The following WDFY3 variants were observed in gnomAD, a reference collection of about 807,000 sequenced individuals.
WDFY3 encodes WD repeat and FYVE domain containing 3.
In WDFY3, 66 loss-of-function variants were observed where a neutral mutation model predicts 409.6. The observed-to-expected ratio is 0.16, with a 90% CI of 0.13 to 0.20. The LOEUF is 0.20. Ranked by LOEUF, WDFY3 falls within the 10% of genes least tolerant of loss-of-function variation. The probability of loss-of-function intolerance (pLI) is 1.00; values close to 1 mark genes in which losing one functional copy is unlikely to be tolerated. For synonymous variants in WDFY3, 1,521 were observed against 1,537.1 expected, an observed-to-expected ratio of 0.99 and a Z score of 0.25; for missense variants, 3,031 against 4,298.1, an observed-to-expected ratio of 0.71 and a Z score of 8.24.
intron 1 of WDFY3, among the ~76,000 whole-genome samples, chr4:84,938,622 T>G (rs565328226): frequency 6.6e-6 from 1 of 152,322 alleles, no homozygotes; most frequent in South Asian, 2.1e-4. Flanking sequence ...GAGGAAAGTC[T>G]AAAAATAAAG....
intron 3 of WDFY3, among the ~76,000 whole-genome samples, chr4:84,890,046 T>C (rs747918052): frequency 1.3e-5 from 2 of 152,268 alleles, no homozygotes; most frequent in East Asian, 1.9e-4. Context: ...CAGACTCCTA[T>C]GCAAATAGGT....
intron 1 of WDFY3, among the ~76,000 whole-genome samples, chr4:84,948,568 G>A (rs1041832644): frequency 2.0e-5 from 3 of 152,012 alleles, no homozygotes; most frequent in Admixed American, 6.6e-5. Context: ...TTGCAGTTTC[G>A]CCCCAATCTT....
At position 84,772,832 on chromosome 4, in the gene WDFY3, T is replaced by C. The variant is rs1314203030; in HGVS notation, c.4849+3A>G. The C allele has an allele frequency of 7.5e-6, 12 of 1,608,358 alleles. No individual in the cohort carries two copies. Among genetic ancestry groups the C allele is most frequent in the Non-Finnish European group, 1.0e-5 (12 of 1,177,592 alleles). On this transcript the variant is annotated splice_donor_region_variant and intron_variant, in intron 30 of 67. Coordinates refer to ENST00000295888, the MANE Select transcript of WDFY3 (RefSeq NM_014991.6). ...TCTTCTCCAAGCTCCAGAATCAACTTACCAGTGTCAAGCTTCTCTTCATTA... is the reference window on the plus strand; with the variant it reads ...TCTTCTCCAAGCTCCAGAATCAACTCACCAGTGTCAAGCTTCTCTTCATTA...
chr4:84,936,494 C>G (rs1382307474), intron 1 of WDFY3, among the ~76,000 whole-genome samples: 1 of 152,016 alleles, frequency 6.6e-6, no homozygotes, highest in Non-Finnish European at 1.5e-5. Context: ...GCCCTTCAGC[C>G]TGGGTGACAT....
intron 56 of WDFY3, among the ~76,000 whole-genome samples, chr4:84,700,344 C>T (rs7659019): frequency 0.066 from 10,118 of 152,172 alleles, 1,166 homozygotes; most frequent in African/African-American, 0.23. Flanking sequence ...GCTGGGACTA[C>T]AGGTGCACAT....
At chr4:84,798,717 C>G (rs900710135) in intron 17 of WDFY3, among the ~76,000 whole-genome samples, 4 of 152,128 alleles carry the variant, frequency 2.6e-5, no homozygotes, top group African/African-American at 7.2e-5. Flanking sequence ...CTCATTCTTG[C>G]TGCTATCACC....
chr4:84,731,283 C>T (rs964554024), intron 44 of WDFY3, among the ~76,000 whole-genome samples: 1 of 152,174 alleles, frequency 6.6e-6, no homozygotes, highest in African/African-American at 2.4e-5. Flanking sequence ...GATACTACCA[C>T]TTTTTGAAAA....
rs200855860 is a variant in WDFY3, at chr4:84,820,177, C to A, written c.1601G>T (p.Arg534Ile). 93 of 1,606,160 alleles carry A rather than the reference C, an allele frequency of 5.8e-5. 1 individual carries two copies. The highest frequency in any genetic ancestry group is 1.7e-6 in the Non-Finnish European group (2 of 1,176,394). Residue 534 changes from arginine to isoleucine, a missense_variant, in exon 12 of 68, where the codon AGA becomes ATA. Physicochemically the swap from Arg to Ile is moderately conservative, Grantham distance 97. This residue lies in a region of WDFY3 where 1,322 missense variants were observed against 1,697.9 expected (regional missense o/e 0.78). Coordinates refer to ENST00000295888, the MANE Select transcript of WDFY3 (RefSeq NM_014991.6). Reference sequence around the variant, plus strand: ...TTGGTCTTCAACTGAACTATTATTTCTTGAGTCCCCTAAAAAAAGGTTCAA... The same window carrying A: ...TTGGTCTTCAACTGAACTATTATTTATTGAGTCCCCTAAAAAAAGGTTCAA... The part of the protein sequence containing the change: ...TQALNEQGDS[R>I]NNSSVEDQKH...
At chr4:84,875,673 A>G (rs1314124574) in intron 3 of WDFY3, among the ~76,000 whole-genome samples, 1 of 152,172 alleles carries the variant, frequency 6.6e-6, no homozygotes, top group Non-Finnish European at 1.5e-5. Flanking sequence ...TTTTTTCTTT[A>G]TATCATTATT....
intron 3 of WDFY3, among the ~76,000 whole-genome samples, chr4:84,879,209 A>G (rs1430731221): frequency 6.6e-6 from 1 of 152,122 alleles, no homozygotes; most frequent in Non-Finnish European, 1.5e-5. Flanking sequence ...TGTTCCCTGG[A>G]CACACCATGC....
intron 36 of WDFY3, among the ~76,000 whole-genome samples, chr4:84,750,802 A>C (rs1046345506): frequency 2.4e-4 from 37 of 152,246 alleles, no homozygotes; most frequent in African/African-American, 8.9e-4. Flanking sequence ...CTGATGCATC[A>C]GTTGATTCAT....
chr4:84,794,594 A>C lies in WDFY3; in HGVS notation c.3412T>G (p.Cys1138Gly). The change falls in exon 21 of 68, where the codon TGC becomes GGC. Residue 1138 changes from cysteine (C) to glycine (G), a missense_variant. By Grantham distance (159) the Cys-to-Gly change is radical. This residue lies in a region of WDFY3 where 1,322 missense variants were observed against 1,697.9 expected (regional missense o/e 0.78). Transcript: ENST00000295888. ...RANSSEQHYVCLAIVLSAKDR... is the reference protein window; with the variant it reads ...RANSSEQHYVGLAIVLSAKDR... ...TTTGCTGATAGAACTATTGCAAGGC[A>C]CACGTAATGTTGCTCAGAAGAATTT... The C allele has an allele frequency of 6.2e-7, 1 of 1,614,152 alleles. No individual in the cohort carries two copies. The highest frequency in any genetic ancestry group is 8.5e-7 in the Non-Finnish European group (1 of 1,180,030).
chr4:84,757,409 C>A (rs1741653356), intron 32 of WDFY3, among the ~76,000 whole-genome samples: 1 of 152,102 alleles, frequency 6.6e-6, no homozygotes, highest in African/African-American at 2.4e-5. Flanking sequence ...CAATAAGATA[C>A]AAGGGAGTTT....
At chr4:84,737,448 T>A (rs1239506077) in intron 40 of WDFY3, 82 bp from the exon 41 acceptor site, 2 of 1,401,056 alleles carry the variant, frequency 1.4e-6, no homozygotes, top group African/African-American at 2.9e-5. Context: ...TTTTTCTTCA[T>A]GTTTACATGT....
Position 84,849,928 on chromosome 4 carries a change from C to T in WDFY3, c.278G>A (p.Arg93Gln). Residue 93 changes from arginine to glutamine, a missense_variant, in exon 5 of 68, where the codon CGA becomes CAA. Arg to Gln is a conservative substitution (Grantham distance 43). Coordinates refer to ENST00000295888, the MANE Select transcript of WDFY3 (RefSeq NM_014991.6). The part of the protein sequence containing the change: ...QVSRLMVTEI[R>Q]RRASNKSTEA... ...TGTGGATTTGTTTGATGCTCTCCTTCGAATTTCTGTCACCATTAGTCGTGA... is the reference window on the plus strand; with the variant it reads ...TGTGGATTTGTTTGATGCTCTCCTTTGAATTTCTGTCACCATTAGTCGTGA... 2 of 1,611,322 alleles carry T rather than the reference C, an allele frequency of 1.2e-6. No homozygotes were observed. Among genetic ancestry groups the T allele is most frequent in the South Asian group, 1.1e-5 (1 of 90,142 alleles).
At chr4:84,949,535 A>G (rs899869328) in intron 1 of WDFY3, among the ~76,000 whole-genome samples, 1 of 152,228 alleles carries the variant, frequency 6.6e-6, no homozygotes, top group African/African-American at 2.4e-5. Context: ...ATATCAGAGC[A>G]ATGAAAGAGT....
At chr4:84,807,757 A>G (rs1751752526) in intron 15 of WDFY3, among the ~76,000 whole-genome samples, 1 of 152,176 alleles carries the variant, frequency 6.6e-6, no homozygotes, top group Admixed American at 6.5e-5. Flanking sequence ...AGAGATTTAC[A>G]GAGCACTGAT....
chr4:84,964,037 C>T (rs898889151), intron 1 of WDFY3, among the ~76,000 whole-genome samples: 1 of 152,186 alleles, frequency 6.6e-6, no homozygotes, highest in African/African-American at 2.4e-5. Context: ...TCTAGAAGTT[C>T]ATAATCTTTT....
At chr4:84,823,758 A>G (rs1017121827) in intron 10 of WDFY3, among the ~76,000 whole-genome samples, 4 of 152,192 alleles carry the variant, frequency 2.6e-5, no homozygotes, top group African/African-American at 9.6e-5. Flanking sequence ...TCTAAAATTA[A>G]AAGGACTAAC....
Sources: allele counts gnomAD v4.1 joint callset (sites outside exome capture counted in the v4.1 genomes callset), GRCh38; gene constraint gnomAD v4.1.1; regional missense constraint gnomAD v4.1.1; transcripts MANE v1.5; gene names NCBI Gene and HGNC (gene_info 2026-07-23, HGNC 2026-07-21).